DKK2: variants seen among roughly 807,000 people sequenced by gnomAD.
DKK2 encodes the protein dickkopf-related protein 2.
DKK2 carries 11 observed loss-of-function variants against 28.1 expected under a neutral mutation model. The observed-to-expected ratio is 0.39, with a 90% CI of 0.25 to 0.65. The LOEUF is 0.65. Among genes scored for constraint, DKK2 ranks in the 30% least tolerant of loss-of-function variants. The probability of loss-of-function intolerance (pLI) is 0.47; values close to 1 mark genes in which losing one functional copy is unlikely to be tolerated. For missense variants in DKK2, 326 were observed against 335.5 expected (o/e 0.97, Z 0.22); for synonymous variants, 135 against 126.5 (o/e 1.07, Z -0.45).
chr4:106,958,583 C>T (rs2110349427), intron 1 of DKK2, among the ~76,000 whole-genome samples: 1 of 151,950 alleles, frequency 6.6e-6, no homozygotes, highest in South Asian at 2.1e-4. Context: ...TGCCTGTAAT[C>T]CCAGCAGTTT....
chr4:107,009,098 C>G (rs1465609070), intron 1 of DKK2, among the ~76,000 whole-genome samples: 1 of 151,858 alleles, frequency 6.6e-6, no homozygotes, highest in Non-Finnish European at 1.5e-5. Flanking sequence ...ATCTTCTTAA[C>G]CACCAAAATG....
intron 1 of DKK2, among the ~76,000 whole-genome samples, chr4:106,964,974 TAG>T (rs1491153734): frequency 6.9e-6 from 1 of 144,838 alleles, no homozygotes; most frequent in Non-Finnish European, 1.5e-5. Flanking sequence ...GATAGATAGA[TAG>T]ATAGATAGAT....
intron 1 of DKK2, among the ~76,000 whole-genome samples, chr4:106,980,166 C>G (rs933200447): frequency 2.6e-5 from 4 of 152,044 alleles, no homozygotes; most frequent in Non-Finnish European, 5.9e-5. Flanking sequence ...TGTTTTGTTT[C>G]ACTATCAATA....
At chr4:106,951,362 T>G (rs1165137869) in intron 1 of DKK2, among the ~76,000 whole-genome samples, 2 of 152,138 alleles carry the variant, frequency 1.3e-5, no homozygotes, top group African/African-American at 4.8e-5. Context: ...GAAATCGATA[T>G]ATCAAAAGGA....
chr4:106,923,036 C>T lies in DKK2; in HGVS notation c.*918G>A, dbSNP rs1000838058. ...CAATCTTTAAGAAATAATGATCTCT[C>T]TGTTAGCTCTTTTCCCACATATATT... is the stretch of plus-strand genomic sequence containing the variant. On this transcript the variant is annotated 3_prime_UTR_variant, in exon 4 of 4. Transcript: ENST00000285311. The T allele has an allele frequency of 6.6e-6, 1 of 152,160 alleles. No individual in the cohort carries two copies. Among genetic ancestry groups the T allele is most frequent in the African/African-American group, 2.4e-5 (1 of 41,446 alleles). 9.4% of individuals were successfully genotyped at this position (152,160 alleles called of 1,614,324 possible). A position where few individuals can be genotyped will look rare whatever the true frequency, so the allele number is the denominator to read the frequency against.
intron 1 of DKK2, among the ~76,000 whole-genome samples, chr4:107,014,832 AACAC>A (rs55726585): frequency 6.8e-6 from 1 of 147,160 alleles, no homozygotes; most frequent in Non-Finnish European, 1.5e-5. Context: ...CACACACACA[AACAC>A]ACACACACAC....
chr4:106,982,367 C>T (rs998812139), intron 1 of DKK2, among the ~76,000 whole-genome samples: 1 of 152,186 alleles, frequency 6.6e-6, no homozygotes, highest in African/African-American at 2.4e-5. Context: ...ACCCCTTCCA[C>T]TAACTAGAAA....
intron 1 of DKK2, among the ~76,000 whole-genome samples, chr4:106,970,797 T>A (rs1722858551): frequency 6.6e-6 from 1 of 152,060 alleles, no homozygotes. Context: ...TATGGTTACC[T>A]TGAACCTAAA....
chr4:106,982,952 G>T (rs1342259142), intron 1 of DKK2, among the ~76,000 whole-genome samples: 1 of 98,046 alleles, frequency 1.0e-5, no homozygotes, highest in Non-Finnish European at 2.1e-5. Context: ...AGAAAGAGAA[G>T]AAAAAGAAGA....
chr4:106,979,438 CCTT>C (rs1044728195), intron 1 of DKK2, among the ~76,000 whole-genome samples: 3 of 146,676 alleles, frequency 2.0e-5, no homozygotes, highest in Admixed American at 7.2e-5. Context: ...TACTTAGTAT[CCTT>C]CTTTTTTTTT....
At chr4:107,025,689 A>G (rs182783918) in intron 1 of DKK2, among the ~76,000 whole-genome samples, 2 of 152,294 alleles carry the variant, frequency 1.3e-5, no homozygotes, top group African/African-American at 2.4e-5. Context: ...TCTTTAAAGT[A>G]TCAGGACTGA....
Position 107,035,306 on chromosome 4 carries a change from G to T in DKK2, c.222+64C>A, listed in dbSNP as rs181379963. 3.0e-4 allele frequency: 477 copies of T among 1,572,330 alleles called. 4 individuals are homozygous for T. In the African/African-American group the frequency reaches 5.9e-3, roughly 20 times the overall value. ...ATGTTGCAAGATGCAATGGCAAACC[G>T]CTAGCCCAAGAGAGCTGGCCCCTGC... On this transcript the variant is annotated intron_variant, in intron 1 of 3. Coordinates refer to ENST00000285311, the MANE Select transcript of DKK2 (RefSeq NM_014421.3).
intron 1 of DKK2, among the ~76,000 whole-genome samples, chr4:106,933,055 G>A (rs1284166989): frequency 6.6e-6 from 1 of 152,116 alleles, no homozygotes; most frequent in South Asian, 2.1e-4. Context: ...ATTCCATGGG[G>A]TTTCTTTACA....
At chr4:107,035,173 C>T (rs1291351041) in intron 1 of DKK2, among the ~76,000 whole-genome samples, 197 bp downstream of exon 1, 1 of 152,108 alleles carries the variant, frequency 6.6e-6, no homozygotes. Flanking sequence ...CCTTTGACTC[C>T]GTGCAGTGCA....
intron 3 of DKK2, 25 bp downstream of exon 3, chr4:106,924,520 A>AC (rs1724397615): frequency 5.7e-6 from 9 of 1,586,094 alleles, no homozygotes; most frequent in Non-Finnish European, 7.7e-6. Flanking sequence ...TTTTAAAAAA[A>AC]CCCCAGAACT....
intron 1 of DKK2, among the ~76,000 whole-genome samples, chr4:106,969,325 T>G (rs918456063): frequency 6.6e-6 from 1 of 151,760 alleles, no homozygotes; most frequent in African/African-American, 2.4e-5. Flanking sequence ...TCATCTCAGA[T>G]GCTCCCACCT....
At chr4:106,960,274 A>C (rs1252913951) in intron 1 of DKK2, among the ~76,000 whole-genome samples, 2 of 152,008 alleles carry the variant, frequency 1.3e-5, no homozygotes, top group Non-Finnish European at 2.9e-5. Context: ...TTTTGCAGCA[A>C]CTTAATGGAA....
chr4:107,027,797 G>C (rs1723811194), intron 1 of DKK2, among the ~76,000 whole-genome samples: 1 of 142,128 alleles, frequency 7.0e-6, no homozygotes, highest in Admixed American at 7.9e-5. Context: ...TGTCGCCCAG[G>C]CTAGAGTACA....
At chr4:106,979,490 T>A (rs1722995657) in intron 1 of DKK2, among the ~76,000 whole-genome samples, 1 of 151,768 alleles carries the variant, frequency 6.6e-6, no homozygotes. Context: ...AAGCATCCTG[T>A]CATCTTGTGC....
Sources: allele counts gnomAD v4.1 joint callset (sites outside exome capture counted in the v4.1 genomes callset), GRCh38; gene constraint gnomAD v4.1.1; transcripts MANE v1.5; gene names NCBI Gene and HGNC (gene_info 2026-07-23, HGNC 2026-07-21).